Variants in MYO9B observed in about 807,000 individuals in gnomAD.
MYO9B encodes unconventional myosin-IXb.
In MYO9B, 71 loss-of-function variants were observed where a neutral mutation model predicts 229.5. That is an observed-to-expected ratio of 0.31 (90% CI 0.26 to 0.38). The LOEUF is 0.38. Among genes scored for constraint, MYO9B ranks in the 10% least tolerant of loss-of-function variants. The probability of loss-of-function intolerance (pLI) is 1.00; values close to 1 mark genes in which losing one functional copy is unlikely to be tolerated. For missense variants in MYO9B, 2,255 were observed against 2,920.5 expected (o/e 0.77, Z 5.25); for synonymous variants, 1,185 against 1,235.8 (o/e 0.96, Z 0.86).
intron 1 of MYO9B, among the ~76,000 whole-genome samples, chr19:17,077,845 C>G (rs1159227941): frequency 6.6e-6 from 1 of 152,066 alleles, no homozygotes; most frequent in Non-Finnish European, 1.5e-5. Context: ...TTTTTTCAAC[C>G]GCTTCTTCAT....
chr19:17,132,288 C>T (rs1425138207), intron 2 of MYO9B, among the ~76,000 whole-genome samples: 1 of 138,524 alleles, frequency 7.2e-6, no homozygotes, highest in Admixed American at 7.8e-5. Flanking sequence ...TGGGTTCAAG[C>T]AATTCTCTTG....
chr19:17,148,544 C>G (rs939855304), intron 3 of MYO9B, among the ~76,000 whole-genome samples: 1 of 152,192 alleles, frequency 6.6e-6, no homozygotes, highest in African/African-American at 2.4e-5. Flanking sequence ...TTACTCCCAT[C>G]TCTGCCTCTG....
chr19:17,148,397 G>A (rs2072439466), intron 3 of MYO9B, among the ~76,000 whole-genome samples: 1 of 152,108 alleles, frequency 6.6e-6, no homozygotes, highest in Admixed American at 6.6e-5. Flanking sequence ...GAAGCAACAG[G>A]AATTATTCTC....
intron 2 of MYO9B, among the ~76,000 whole-genome samples, chr19:17,112,578 G>A (rs368688437): frequency 1.4e-4 from 21 of 152,326 alleles, no homozygotes; most frequent in African/African-American, 5.1e-4. Context: ...AGCTGAGGAC[G>A]GACAGGTCCC....
Position 17,194,902 on chromosome 19 carries a change from G to A in MYO9B, c.3475G>A (p.Val1159Ile), listed in dbSNP as rs34377024. The change falls in exon 22 of 40, where the codon GTC becomes ATC. Residue 1159 changes from valine (V) to isoleucine (I), a missense_variant. Coordinates refer to ENST00000682292, the MANE Select transcript of MYO9B (RefSeq NM_004145.4). ...ESRRQRGLEH[V>I]KFQNKHIQSC... ...GCGTCGGCAAAGAGGGCTGGAGCAC[G>A]TCAAGTTCCAGAACAAACACATCCA... is the stretch of plus-strand genomic sequence containing the variant. 23 of 1,613,284 alleles carry A rather than the reference G, an allele frequency of 1.4e-5. No homozygotes were observed. The highest frequency in any genetic ancestry group is 3.3e-5 in the Admixed American group (2 of 59,988).
chr19:17,094,528 T>A (rs1488964034), intron 1 of MYO9B, among the ~76,000 whole-genome samples: 1 of 152,224 alleles, frequency 6.6e-6, no homozygotes, highest in Non-Finnish European at 1.5e-5. Context: ...CCGATCAGCT[T>A]TCTGTCTTCA....
intron 2 of MYO9B, among the ~76,000 whole-genome samples, chr19:17,107,044 CAA>C (rs2057799072): frequency 1.0e-5 from 1 of 96,278 alleles, no homozygotes; most frequent in Admixed American, 1.2e-4. Context: ...GCCTGGGCAA[CAA>C]GAGCGAAATC....
chr19:17,190,610 C>T (rs1435742340), intron 19 of MYO9B, among the ~76,000 whole-genome samples: 2 of 149,710 alleles, frequency 1.3e-5, no homozygotes, highest in Admixed American at 1.3e-4. Flanking sequence ...TGCACTCCAG[C>T]CTGGGTAACA....
chr19:17,110,379 A>G (rs116086056), intron 2 of MYO9B, among the ~76,000 whole-genome samples: 9,843 of 152,240 alleles, frequency 0.065, 343 homozygotes, highest in South Asian at 0.11. Context: ...CTCCCAGTGC[A>G]GGCGCCCGTC....
chr19:17,119,541 T>C (rs1246691437), intron 2 of MYO9B, among the ~76,000 whole-genome samples: 3 of 152,152 alleles, frequency 2.0e-5, no homozygotes, highest in Admixed American at 2.0e-4. Context: ...AACTGCCACG[T>C]AAAGAAAAGC....
intron 2 of MYO9B, among the ~76,000 whole-genome samples, chr19:17,121,330 G>T (rs1189485683): frequency 6.6e-6 from 1 of 152,034 alleles, no homozygotes; most frequent in Non-Finnish European, 1.5e-5. Flanking sequence ...ACACAGCAGT[G>T]GTCCCACACT....
chr19:17,199,871 GTT>G (rs1243083069), intron 24 of MYO9B, among the ~76,000 whole-genome samples: 1 of 138,654 alleles, frequency 7.2e-6, no homozygotes. Flanking sequence ...TTTGTTTTTT[GTT>G]TTTTTTTTTG....
chr19:17,102,082 A>G lies in MYO9B; in HGVS notation c.365A>G (p.His122Arg), dbSNP rs775640366. 1.2e-6 allele frequency: 2 copies of G among 1,613,002 alleles called. No individual in the cohort carries two copies. Among genetic ancestry groups the G allele is most frequent in the Admixed American group, 1.7e-5 (1 of 60,028 alleles). Residue 122 changes from histidine to arginine, a missense_variant, in exon 2 of 40, where the codon CAT becomes CGT. Transcript: ENST00000682292. Reference protein sequence around the residue: ...RNADGTIKYVHMQLVAQATAT... With the variant: ...RNADGTIKYVRMQLVAQATAT... ...GCAGATGGAACCATCAAGTACGTGC[A>G]TATGCAGCTGGTGGCGCAGGCCACA...
Position 17,101,663 on chromosome 19 carries a change from CAGGACA to C in MYO9B, c.-54_-49del. 1 of 1,487,854 alleles carries C rather than the reference CAGGACA, an allele frequency of 6.7e-7. No homozygotes were observed. Among genetic ancestry groups the C allele is most frequent in the Non-Finnish European group, 8.9e-7 (1 of 1,122,676 alleles). The allele number at this position is 1,487,854 out of a possible 1,614,324, so 92.2% of individuals were successfully genotyped here. ...CTGGCTCTGACCTCCCTTCTAGCTC[CAGGACA>C]CGCGCGCCCCGAGCCTGGGAGGCAT... On this transcript the variant is annotated 5_prime_UTR_variant, in exon 2 of 40. Transcript: ENST00000682292. This position sits in a 1 kb window ranked among gnomAD's most constrained non-coding sequence, Gnocchi z 4.7.
intron 19 of MYO9B, 72 bp downstream of exon 19, chr19:17,188,117 C>T (rs2072939758): frequency 1.5e-6 from 2 of 1,363,364 alleles, no homozygotes; most frequent in East Asian, 5.2e-5. Flanking sequence ...CCAAAGAGAG[C>T]TCCTTGCTGG....
At position 17,202,295 on chromosome 19, in the gene MYO9B, C is replaced by G; in HGVS notation, c.4828C>G (p.Pro1610Ala). The G allele has an allele frequency of 6.4e-7, 1 of 1,562,302 alleles. No homozygotes were observed. Among genetic ancestry groups the G allele is most frequent in the South Asian group, 1.2e-5 (1 of 85,304 alleles). ...TGGCTACACCAAGAACGACTTCGAGCCAGTGAAGGTGGGCAGCCCAGCATG... is the reference window on the plus strand; with the variant it reads ...TGGCTACACCAAGAACGACTTCGAGGCAGTGAAGGTGGGCAGCCCAGCATG... ...TRGYTKNDFEPVKQSKAQKKK... is the reference protein window; with the variant it reads ...TRGYTKNDFEAVKQSKAQKKK... The change falls in exon 28 of 40, where the codon CCA becomes GCA. Residue 1610 changes from proline to alanine, a missense_variant. Around this residue, in one of 7 missense-constraint regions of MYO9B, gnomAD observed 416 missense variants for 605.5 expected, o/e 0.69. Transcript: ENST00000682292.
chr19:17,166,812 G>GTTCCTGCAAAGGACATGACCTCA (rs1225561463), intron 10 of MYO9B, among the ~76,000 whole-genome samples: 2 of 152,150 alleles, frequency 1.3e-5, no homozygotes, highest in Non-Finnish European at 2.9e-5. Flanking sequence ...CTCCATCCAT[G>GTTCCTGCAAAGGACATGACCTCA]TTCCTGCAAA....
chr19:17,154,157 C>A, intron 5 of MYO9B, 91 bp downstream of exon 5: 1 of 1,375,960 alleles, frequency 7.3e-7, no homozygotes, highest in Non-Finnish European at 1.0e-6. Context: ...GGCAGCCTGC[C>A]CTGGCCCCCG....
Position 17,102,113 on chromosome 19 carries a change from C to T in MYO9B, c.396C>T (p.Thr132=), listed in dbSNP as rs1024323452. 2 of 1,613,372 alleles carry T rather than the reference C, an allele frequency of 1.2e-6. No homozygotes were observed. The highest frequency in any genetic ancestry group is 1.7e-6 in the Non-Finnish European group (2 of 1,179,900). ...HMQLVAQATA[T]RRLVERGLLP... ...AGCTGGTGGCGCAGGCCACAGCCAC[C>T]CGGCGCCTAGTGGAGCGTGGCCTCC... Residue 132 remains threonine (T), a synonymous_variant, in exon 2 of 40, where the codon ACC becomes ACT. Coordinates refer to ENST00000682292, the MANE Select transcript of MYO9B (RefSeq NM_004145.4).
Sources: gnomAD v4.1 joint callset for allele counts (sites outside exome capture counted in the v4.1 genomes callset) on GRCh38, gnomAD v4.1.1 for gene constraint, gnomAD v4.1.1 regional missense constraint, Gnocchi (gnomAD v3.1) non-coding constraint, MANE v1.5 for transcripts, NCBI Gene and HGNC (gene_info 2026-07-23, HGNC 2026-07-21) for gene names.